The following FHL3 variants were observed in gnomAD, a reference collection of about 807,000 sequenced individuals.
The protein encoded by FHL3 is four and a half LIM domains 3.
Under a neutral mutation model 34.3 loss-of-function variants are expected in FHL3, and 21 were observed. That is an observed-to-expected ratio of 0.61 (90% CI 0.43 to 0.88). The LOEUF is 0.88. Ranked by LOEUF, FHL3 falls within the 40% of genes least tolerant of loss-of-function variation. The pLI is 0.00. For synonymous variants in FHL3, 137 were observed against 144.6 expected (o/e 0.95, Z 0.38); for missense variants, 333 against 373.7 (o/e 0.89, Z 0.90).
rs761035965 is a variant in FHL3, at chr1:37,997,354, C to A, written c.*51G>T. ...TCCCAGAGGTGGTTTAGAAAAGGAG[C>A]CACAGTCCTGGGCCCGTGGTATGGG... is the stretch of plus-strand genomic sequence containing the variant. On this transcript the variant is annotated 3_prime_UTR_variant, in exon 6 of 6. Transcript: ENST00000373016. This position sits in a 1 kb window ranked among gnomAD's most constrained non-coding sequence, Gnocchi z 4.3. 43 of 1,563,934 alleles carry A rather than the reference C, an allele frequency of 2.7e-5. No individual in the cohort carries two copies. The highest frequency in any genetic ancestry group is 3.7e-5 in the Non-Finnish European group (43 of 1,157,610).
chr1:37,997,662 C>T lies in FHL3; in HGVS notation c.688+22G>A, dbSNP rs747155888. 7.4e-6 allele frequency: 12 copies of T among 1,613,488 alleles called. No individual in the cohort carries two copies. Among genetic ancestry groups the T allele is most frequent in the African/African-American group, 4.0e-5 (3 of 74,906 alleles). ...TCCCTTGCCTGCACCCTACCCACTC[C>T]GTTCTTTGACCCTTGTCCCACCTAC... On this transcript the variant is annotated intron_variant, in intron 5 of 5. Coordinates refer to ENST00000373016, the MANE Select transcript of FHL3 (RefSeq NM_004468.5). This position sits in a 1 kb window ranked among gnomAD's most constrained non-coding sequence, Gnocchi z 4.3.
intron 1 of FHL3, among the ~76,000 whole-genome samples, chr1:38,000,619 A>G (rs1340287254): frequency 6.6e-6 from 1 of 152,156 alleles, no homozygotes; most frequent in Non-Finnish European, 1.5e-5. Context: ...TCAGGAACAA[A>G]GCATGTTTGT....
chr1:37,997,683 C>T lies in FHL3; in HGVS notation c.688+1G>A, dbSNP rs1160749321. On this transcript the variant is annotated splice_donor_variant, in intron 5 of 5. Transcript: ENST00000373016. LOFTEE classifies it high-confidence loss of function. This position sits in a 1 kb window ranked among gnomAD's most constrained non-coding sequence, Gnocchi z 4.3. ...ACTCCGTTCTTTGACCCTTGTCCCA[C>T]CTACGATGGGGCGCTTGCAGCTGCT... 3 of 1,614,002 alleles carry T rather than the reference C, an allele frequency of 1.9e-6. No individual in the cohort carries two copies. Among genetic ancestry groups the T allele is most frequent in the Non-Finnish European group, 1.7e-6 (2 of 1,179,932 alleles).
chr1:38,000,293 G>A (rs1405828480), intron 1 of FHL3, among the ~76,000 whole-genome samples: 3 of 152,168 alleles, frequency 2.0e-5, no homozygotes. Flanking sequence ...AGGCAGAGGG[G>A]AACTGGAGAC....
In FHL3 at chr1:37,998,013, C is replaced by G; in HGVS notation, c.451G>C (p.Val151Leu). 6.2e-7 allele frequency: 1 copy of G among 1,614,124 alleles called. No homozygotes were observed. The highest frequency in any genetic ancestry group is 8.5e-7 in the Non-Finnish European group (1 of 1,179,994). ...GCAAACTTGTTCTCATAGCAGGGCACGCAGTAGTGAGCACCCTTGTCGGGC... is the reference window on the plus strand; with the variant it reads ...GCAAACTTGTTCTCATAGCAGGGCAGGCAGTAGTGAGCACCCTTGTCGGGC... The part of the protein sequence containing the change: ...FVPDKGAHYC[V>L]PCYENKFAPR... The change falls in exon 4 of 6, where the codon GTG becomes CTG. Residue 151 changes from valine (V) to leucine (L), a missense_variant. By Grantham distance (32) the Val-to-Leu change is conservative. Coordinates refer to ENST00000373016, the MANE Select transcript of FHL3 (RefSeq NM_004468.5).
At position 37,999,426 on chromosome 1, in the gene FHL3, G is replaced by A. The variant is rs749649181; in HGVS notation, c.-14C>T. ...TGACTCGCTCATGGTGGCAAGGGGAGAGAACCCTGTTAGGAGCACAAGGTG... is the reference window on the plus strand; with the variant it reads ...TGACTCGCTCATGGTGGCAAGGGGAAAGAACCCTGTTAGGAGCACAAGGTG... On this transcript the variant is annotated 5_prime_UTR_variant, in exon 2 of 6. Coordinates refer to ENST00000373016, the MANE Select transcript of FHL3 (RefSeq NM_004468.5). 29 of 1,613,700 alleles carry A rather than the reference G, an allele frequency of 1.8e-5. No individual in the cohort carries two copies. Among genetic ancestry groups the A allele is most frequent in the Non-Finnish European group, 2.5e-5 (29 of 1,179,948 alleles).
rs1646545446 is a variant in FHL3, at chr1:37,997,445, T to C, written c.803A>G (p.Asp268Gly). ...GCTACAGCCCTGGCAGAGCACTTGGTCTCCATCCGGTACGAAGCCCTGGCC... is the reference window on the plus strand; with the variant it reads ...GCTACAGCCCTGGCAGAGCACTTGGCCTCCATCCGGTACGAAGCCCTGGCC... ...LVGQGFVPDG[D>G]QVLCQGCSQA... The change falls in exon 6 of 6, where the codon GAC becomes GGC. Residue 268 changes from aspartate to glycine, a missense_variant. Physicochemically the swap from Asp to Gly is moderately conservative, Grantham distance 94. Coordinates refer to ENST00000373016, the MANE Select transcript of FHL3 (RefSeq NM_004468.5). The surrounding 1 kb of genome is among the most constrained non-coding windows in gnomAD (Gnocchi z 4.3). The C allele has an allele frequency of 6.2e-7, 1 of 1,613,660 alleles. No individual in the cohort carries two copies. Among genetic ancestry groups the C allele is most frequent in the Non-Finnish European group, 8.5e-7 (1 of 1,179,878 alleles).
chr1:38,001,344 G>C lies in FHL3; in HGVS notation c.-20-1912C>G, dbSNP rs370933529. The stretch of plus-strand genomic sequence containing the variant: ...CCACACAGGTGGAATGCGTCCACAG[G>C]GGGTGCCTGGGCCTCTTCCTTCCTT... On this transcript the variant is annotated intron_variant, in intron 1 of 5. Coordinates refer to ENST00000373016, the MANE Select transcript of FHL3 (RefSeq NM_004468.5). 3.9e-5 allele frequency among the ~76,000 whole-genome samples: 6 copies of C among 152,254 alleles called. No individual in the cohort carries two copies. In the East Asian group the frequency reaches 5.8e-4, roughly 15 times the overall value.
chr1:38,005,006 G>A (rs1180653245), intron 1 of FHL3, among the ~76,000 whole-genome samples: 2 of 152,126 alleles, frequency 1.3e-5, no homozygotes. Flanking sequence ...GTCCCTGCCT[G>A]TCTCGGTCTC....
chr1:38,000,159 G>A (rs531519164), intron 1 of FHL3, among the ~76,000 whole-genome samples: 13 of 152,314 alleles, frequency 8.5e-5, no homozygotes, highest in African/African-American at 3.1e-4. Flanking sequence ...CCCCACCCCC[G>A]CTGTGTCACA....
intron 1 of FHL3, among the ~76,000 whole-genome samples, chr1:38,002,535 ATTTT>A (rs35702463): frequency 1.9e-5 from 2 of 106,754 alleles, no homozygotes; most frequent in African/African-American, 3.8e-5. Context: ...TGCCAGCCCA[ATTTT>A]TTTTTTTTTT....
In FHL3 at chr1:37,996,848, G is replaced by A. The variant is rs553216513; in HGVS notation, c.*557C>T. The A allele has an allele frequency of 1.3e-5, 2 of 153,290 alleles. No individual in the cohort carries two copies. Among genetic ancestry groups the A allele is most frequent in the African/African-American group, 4.8e-5 (2 of 41,520 alleles). 9.5% of individuals were successfully genotyped at this position (153,290 alleles called of 1,614,324 possible). Reference sequence around the variant, plus strand: ...CCTCTGCCCATCTATGGGCAAAATGGAGCTGAAATAAAATGAGAAGACACT... The same window carrying A: ...CCTCTGCCCATCTATGGGCAAAATGAAGCTGAAATAAAATGAGAAGACACT... On this transcript the variant is annotated 3_prime_UTR_variant, in exon 6 of 6. Coordinates refer to ENST00000373016, the MANE Select transcript of FHL3 (RefSeq NM_004468.5).
intron 3 of FHL3, chr1:37,998,762 C>T: frequency 1.7e-6 from 1 of 579,424 alleles, no homozygotes; most frequent in South Asian, 2.1e-5. Flanking sequence ...ACATGCTAAG[C>T]CCCCAAGTAT....
chr1:38,000,980 C>T (rs1021041412), intron 1 of FHL3, among the ~76,000 whole-genome samples: 2 of 152,168 alleles, frequency 1.3e-5, no homozygotes, highest in African/African-American at 4.8e-5. Flanking sequence ...AGGAGAAGTC[C>T]TCCTTTTCTC....
rs745926800 is a variant in FHL3 at position 37,999,065 on chromosome 1, G to A, written c.240C>T (p.Phe80=). 3 of 1,614,142 alleles carry A rather than the reference G, an allele frequency of 1.9e-6. No homozygotes were observed. The Admixed American group carries it at 5.0e-5, about 27-fold the overall frequency. The change falls in exon 3 of 6, where the codon TTC becomes TTT. Residue 80 remains phenylalanine (F), a synonymous_variant. Transcript: ENST00000373016. ...RCQRSLADEP[F]TCQDSELLCN... ...AGAGCAGCTCACTGTCCTGGCAGGT[G>A]AAGGGTTCATCGGCTAGTGAGCGCT...
chr1:38,000,550 T>C (rs1646583439), intron 1 of FHL3, among the ~76,000 whole-genome samples: 1 of 152,154 alleles, frequency 6.6e-6, no homozygotes, highest in South Asian at 2.1e-4. Flanking sequence ...GGGGGAGCCC[T>C]GAGAGCTGCT....
In FHL3 at chr1:37,997,981, G is replaced by T. The variant is rs1163961816; in HGVS notation, c.483C>A (p.Arg161=). ...VPCYENKFAP[R]CARCSKTLTQ... ...CCCCCACCTTGCTGCAGCGGGCGCA[G>T]CGAGGAGCAAACTTGTTCTCATAGC... Residue 161 remains arginine (R), a synonymous_variant, in exon 4 of 6, where the codon CGC becomes CGA. Transcript: ENST00000373016. The surrounding 1 kb of genome is among the most constrained non-coding windows in gnomAD (Gnocchi z 4.3). 6.2e-7 allele frequency: 1 copy of T among 1,614,178 alleles called. No individual in the cohort carries two copies. The highest frequency in any genetic ancestry group is 8.5e-7 in the Non-Finnish European group (1 of 1,180,006).
chr1:38,001,645 G>A (rs772188891), intron 1 of FHL3, among the ~76,000 whole-genome samples: 1 of 152,200 alleles, frequency 6.6e-6, no homozygotes, highest in Non-Finnish European at 1.5e-5. Flanking sequence ...GGACTGAAGG[G>A]AGCCAGCCTT....
chr1:37,998,014 G>A lies in FHL3; in HGVS notation c.450C>T (p.Cys150=), dbSNP rs754673207. The part of the protein sequence containing the change: ...SFVPDKGAHY[C]VPCYENKFAP... The stretch of plus-strand genomic sequence containing the variant: ...CAAACTTGTTCTCATAGCAGGGCAC[G>A]CAGTAGTGAGCACCCTTGTCGGGCA... Residue 150 remains cysteine (C), a synonymous_variant, in exon 4 of 6, where the codon TGC becomes TGT. Coordinates refer to ENST00000373016, the MANE Select transcript of FHL3 (RefSeq NM_004468.5). The A allele has an allele frequency of 9.9e-6, 16 of 1,614,132 alleles. No homozygotes were observed. The highest frequency in any genetic ancestry group is 2.2e-5 in the South Asian group (2 of 91,078).
Sources: gnomAD v4.1 joint callset for allele counts (sites outside exome capture counted in the v4.1 genomes callset) on GRCh38, gnomAD v4.1.1 for gene constraint, Gnocchi (gnomAD v3.1) non-coding constraint, MANE v1.5 for transcripts, NCBI Gene and HGNC (gene_info 2026-07-23, HGNC 2026-07-21) for gene names.